Variants in CCDC77 observed in about 807,000 individuals in gnomAD.
CCDC77 encodes coiled-coil domain containing 77.
In CCDC77, 56 loss-of-function variants were observed where a neutral mutation model predicts 66.8. The ratio of observed to expected loss-of-function variants is 0.84; its 90% CI spans 0.68 to 1.05. CCDC77 has a LOEUF of 1.05. Ranked by LOEUF, CCDC77 falls within the 50% of genes least tolerant of loss-of-function variation. The probability of loss-of-function intolerance (pLI) is 0.00; values close to 1 mark genes in which losing one functional copy is unlikely to be tolerated. For synonymous variants in CCDC77, 196 were observed against 195.2 expected, an observed-to-expected ratio of 1.00 and a Z score of -0.03; for missense variants, 570 against 576.8, an observed-to-expected ratio of 0.99 and a Z score of 0.12.
chr12:432,040 T>A, intron 8 of CCDC77, 86 bp downstream of exon 8: 1 of 771,554 alleles, frequency 1.3e-6, no homozygotes, highest in Non-Finnish European at 2.2e-6. Flanking sequence ...ATGTGATAAG[T>A]ATCTCCTTGC....
At chr12:399,121 T>C (rs1208198410), upstream of CCDC77, among the ~76,000 whole-genome samples, 1 of 152,122 alleles carries the variant, frequency 6.6e-6, no homozygotes, top group Admixed American at 6.6e-5. Flanking sequence ...CGATTTACTT[T>C]GCCCAGATCC....
At chr12:409,006 C>T (rs995736409) in intron 2 of CCDC77, among the ~76,000 whole-genome samples, 1 of 152,010 alleles carries the variant, frequency 6.6e-6, no homozygotes, top group Non-Finnish European at 1.5e-5. Context: ...GAGTTCGAGA[C>T]CAGCCTGGCC....
At position 431,098 on chromosome 12, in the gene CCDC77, T is replaced by C. The variant is rs118178105; in HGVS notation, c.583+362T>C. On this transcript the variant is annotated intron_variant, in intron 7 of 12. Coordinates refer to ENST00000239830, the MANE Select transcript of CCDC77 (RefSeq NM_032358.4). ...AAAAAAAAAAAAACAGAACACACAA[T>C]TGGAAATGTTTTCCTACTGTACAGT... Among the ~76,000 whole-genome samples the C allele has an allele frequency of 1.0e-3, 154 of 147,886 alleles. 8 individuals are homozygous for C. The East Asian group carries it at 0.029, about 28-fold the overall frequency.
chr12:392,994 C>A (rs1317477668), intron 1 of CCDC77, among the ~76,000 whole-genome samples: 1 of 132,352 alleles, frequency 7.6e-6, no homozygotes, highest in African/African-American at 2.8e-5. Flanking sequence ...TTAGCAGGAT[C>A]GAGCTGGATT....
rs539603134 is a variant in CCDC77 at position 435,104 on chromosome 12, G to A, written c.821+1782G>A. Among the ~76,000 whole-genome samples the A allele has an allele frequency of 9.7e-4, 104 of 106,764 alleles. 3 individuals are homozygous for A. Among genetic ancestry groups the A allele is most frequent in the African/African-American group, 3.4e-3 (99 of 29,010 alleles). 70.0% of individuals were successfully genotyped at this position (106,764 alleles called of 152,430 possible). ...TCCGTTTCCAAATGCTCCCATCCCCGTCTCAAGCCTACTTCTTTCTGTTTT... is the reference window on the plus strand; with the variant it reads ...TCCGTTTCCAAATGCTCCCATCCCCATCTCAAGCCTACTTCTTTCTGTTTT... On this transcript the variant is annotated intron_variant, in intron 9 of 12. Transcript: ENST00000239830.
At chr12:434,699 A>C (rs930529921) in intron 9 of CCDC77, among the ~76,000 whole-genome samples, 7 of 152,128 alleles carry the variant, frequency 4.6e-5, no homozygotes, top group Non-Finnish European at 8.8e-5. Flanking sequence ...TTCAGTCCTT[A>C]TTATACTTAG....
upstream of CCDC77, among the ~76,000 whole-genome samples, chr12:400,618 T>C (rs1176536644): frequency 6.6e-6 from 1 of 152,228 alleles, no homozygotes; most frequent in East Asian, 1.9e-4. Context: ...ACTGCTGGTC[T>C]GTGGAGCAGT....
At position 424,400 on chromosome 12, in the gene CCDC77, ACT is replaced by A. The variant is rs1945491306; in HGVS notation, c.414-4366_414-4365del. On this transcript the variant is annotated intron_variant, in intron 5 of 12. Coordinates refer to ENST00000239830, the MANE Select transcript of CCDC77 (RefSeq NM_032358.4). ...TTTTTTTTTTTAGGGGCAGGGTATC[ACT>A]CTGTCGGCCAGGGTGATCCTCCTGC... 2.7e-5 allele frequency among the ~76,000 whole-genome samples: 4 copies of A among 147,120 alleles called. No individual in the cohort carries two copies. The South Asian group carries it at 8.6e-4, about 31-fold the overall frequency.
At chr12:398,009 T>C (rs1944850889), upstream of CCDC77, among the ~76,000 whole-genome samples, 1 of 152,198 alleles carries the variant, frequency 6.6e-6, no homozygotes, top group African/African-American at 2.4e-5. Context: ...TTTTCACTGA[T>C]GGAGGGTCTA....
At chr12:429,858 A>C (rs190289046) in intron 6 of CCDC77, among the ~76,000 whole-genome samples, 1 of 152,184 alleles carries the variant, frequency 6.6e-6, no homozygotes, top group Non-Finnish European at 1.5e-5. Context: ...GGGCTTAAGC[A>C]CCATCCTTCC....
At chr12:418,362 C>A in intron 4 of CCDC77, 132 bp from the exon 5 acceptor site, 1 of 800,790 alleles carries the variant, frequency 1.2e-6, no homozygotes, top group Middle Eastern at 2.6e-4. Flanking sequence ...CTATTGCTGT[C>A]ATTTGAATTC....
chr12:418,681 A>ACATTCATTCATTCATT (rs113437345), intron 5 of CCDC77, 45 bp downstream of exon 5: 4 of 1,544,146 alleles, frequency 2.6e-6, no homozygotes, highest in East Asian at 2.3e-5. Flanking sequence ...ACTTTAAATT[A>ACATTCATTCATTCATT]CATTCATTCA....
chr12:436,260 G>A (rs1945750253), intron 9 of CCDC77, among the ~76,000 whole-genome samples: 3 of 151,622 alleles, frequency 2.0e-5, no homozygotes, highest in Admixed American at 6.6e-5. Context: ...TGGGACTACA[G>A]GCGCCCACCA....
chr12:416,369 GTGTGTGTGTATATATATATATA>G (rs1390132989), intron 4 of CCDC77, among the ~76,000 whole-genome samples: 910 of 29,232 alleles, frequency 0.031, 34 homozygotes, highest in African/African-American at 0.092. Flanking sequence ...GTGTGTGTGT[GTGTGTGTGTATATATATATATA>G]TATATATATA....
chr12:413,997 C>T (rs938324394), intron 4 of CCDC77, among the ~76,000 whole-genome samples: 1 of 151,826 alleles, frequency 6.6e-6, no homozygotes, highest in Non-Finnish European at 1.5e-5. Flanking sequence ...TCTGCGGTCT[C>T]CAAATACCTG....
chr12:422,740 A>G (rs953289104), intron 5 of CCDC77, among the ~76,000 whole-genome samples: 2 of 152,188 alleles, frequency 1.3e-5, no homozygotes, highest in African/African-American at 4.8e-5. Flanking sequence ...CCTCTTGAGT[A>G]ACTGGGACTA....
intron 5 of CCDC77, among the ~76,000 whole-genome samples, chr12:428,404 G>A (rs930434102): frequency 3.3e-5 from 5 of 151,202 alleles, no homozygotes; most frequent in African/African-American, 4.9e-5. Flanking sequence ...CCAGGTGCTC[G>A]GGAGGCTGAG....
intron 5 of CCDC77, among the ~76,000 whole-genome samples, chr12:423,019 A>G (rs1339371550): frequency 6.7e-6 from 1 of 149,644 alleles, no homozygotes; most frequent in Non-Finnish European, 1.5e-5. Flanking sequence ...CATAGTGTTT[A>G]TACCATTTTA....
At chr12:423,468 G>GTGTTTT (rs1945455343) in intron 5 of CCDC77, among the ~76,000 whole-genome samples, 1 of 41,610 alleles carries the variant, frequency 2.4e-5, no homozygotes, top group Admixed American at 2.8e-4. Context: ...GGTGTTTTTT[G>GTGTTTT]TGTTTTTTGT....
Sources: allele counts gnomAD v4.1 joint callset (sites outside exome capture counted in the v4.1 genomes callset), GRCh38; gene constraint gnomAD v4.1.1; transcripts MANE v1.5; gene names NCBI Gene and HGNC (gene_info 2026-07-23, HGNC 2026-07-21).